Variants in OR9G4 observed in about 807,000 individuals in gnomAD.
OR9G4 encodes olfactory receptor family 9 subfamily G member 4.
Under a neutral mutation model 16.7 loss-of-function variants are expected in OR9G4, and 19 were observed. That is an observed-to-expected ratio of 1.14 (90% CI 0.79 to 1.67). The LOEUF (loss-of-function observed/expected upper bound fraction) is 1.67, where lower values mean the gene tolerates loss of function less well. Ranked by LOEUF, OR9G4 falls within the 40% of genes most tolerant of loss-of-function variation. The pLI, the probability that OR9G4 is intolerant of heterozygous loss-of-function variation, is 0.00. For missense variants in OR9G4, 428 were observed against 370.4 expected (o/e 1.16, Z -1.28); for synonymous variants, 182 against 146.2 (o/e 1.24, Z -1.76).
At position 56,743,647 on chromosome 11, in the gene OR9G4, T is replaced by G; in HGVS notation, c.120A>C (p.Ser40=). ...VFLMLYLITL[S]GNMTLVILIR... ...TTAAGATAACCAAGGTCATGTTTCCTGACAAGGTTATCAAATAGAGCATCA... is the reference window on the plus strand; with the variant it reads ...TTAAGATAACCAAGGTCATGTTTCCGGACAAGGTTATCAAATAGAGCATCA... The change falls in exon 2 of 2, where the codon TCA becomes TCC. Residue 40 remains serine (S), a synonymous_variant. Coordinates refer to ENST00000641668, the MANE Select transcript of OR9G4 (RefSeq NM_001005284.2). 1.9e-6 allele frequency: 3 copies of G among 1,614,054 alleles called. No individual in the cohort carries two copies. The highest frequency in any genetic ancestry group is 2.5e-6 in the Non-Finnish European group (3 of 1,179,936).
rs532251264 is a variant in OR9G4 at position 56,745,952 on chromosome 11, C to G, written c.-22-2164G>C. Among the ~76,000 whole-genome samples the G allele has an allele frequency of 6.1e-4, 93 of 152,050 alleles. 1 individual carries two copies. In the Middle Eastern group the frequency reaches 0.01, roughly 17 times the overall value. On this transcript the variant is annotated intron_variant, in intron 1 of 1. Transcript: ENST00000641668. ...TAAAATTTGCTGAAGACAACTGCAC[C>G]CTTCTTTTCATCTCAAGATTTGCAT...
In OR9G4 at chr11:56,743,223, GT is replaced by G; in HGVS notation, c.543del (p.Pro182HisfsTer4). 6.2e-7 allele frequency: 1 copy of G among 1,613,984 alleles called. No individual in the cohort carries two copies. Among genetic ancestry groups the G allele is most frequent in the Non-Finnish European group, 8.5e-7 (1 of 1,180,004 alleles). On this transcript the variant is annotated frameshift_variant, in exon 2 of 2. Coordinates refer to ENST00000641668, the MANE Select transcript of OR9G4 (RefSeq NM_001005284.2). LOFTEE classifies it high-confidence loss of function. ...KNIIDHFFCD[A>X]PPLVKMSCTN... ...GTACAGGACATTTTTACCAATGGTG[GT>G]GCATCACAGAAAAAGTGGTCAATGA...
intron 1 of OR9G4, chr11:56,744,038 A>C (rs990723766): frequency 1.5e-5 from 7 of 459,178 alleles, no homozygotes; most frequent in Non-Finnish European, 2.6e-5. Flanking sequence ...AAACATGAAA[A>C]AAAAATGAAA....
At position 56,743,496 on chromosome 11, in the gene OR9G4, G is replaced by A. The variant is rs201069570; in HGVS notation, c.271C>T (p.Arg91Cys). The change falls in exon 2 of 2, where the codon CGC becomes TGC. Residue 91 changes from arginine to cysteine, a missense_variant. Coordinates refer to ENST00000641668, the MANE Select transcript of OR9G4 (RefSeq NM_001005284.2). ...ILASCVSEDKRISLAGCGAQL... is the reference protein window; with the variant it reads ...ILASCVSEDKCISLAGCGAQL... ...GCCCCACATCCAGCCAAGGAAATGC[G>A]CTTATCTTCTGAGACACAACTGGCC... 47 of 1,614,090 alleles carry A rather than the reference G, an allele frequency of 2.9e-5. No individual in the cohort carries two copies. Among genetic ancestry groups the A allele is most frequent in the Admixed American group, 2.8e-4 (17 of 60,010 alleles).
Position 56,743,224 on chromosome 11 carries a change from T to C in OR9G4, c.543A>G (p.Ala181=), listed in dbSNP as rs2135058138. 6.2e-7 allele frequency: 1 copy of C among 1,614,114 alleles called. No individual in the cohort carries two copies. ...KNIIDHFFCD[A]PPLVKMSCTN... is the part of the protein sequence containing the mutation. ...TACAGGACATTTTTACCAATGGTGG[T>C]GCATCACAGAAAAAGTGGTCAATGA... Residue 181 remains alanine (A), a synonymous_variant, in exon 2 of 2, where the codon GCA becomes GCG. Transcript: ENST00000641668.
chr11:56,746,020 G>C (rs946883507), intron 1 of OR9G4, among the ~76,000 whole-genome samples: 1 of 151,922 alleles, frequency 6.6e-6, no homozygotes, highest in East Asian at 1.9e-4. Context: ...TGGGCCGGGC[G>C]CGGTGGCTCA....
rs1028035988 is a variant in OR9G4, at chr11:56,741,545, G to T, written c.*1283C>A. 4 of 152,320 alleles carry T rather than the reference G, an allele frequency of 2.6e-5. No homozygotes were observed. Among genetic ancestry groups the T allele is most frequent in the African/African-American group, 9.7e-5 (4 of 41,432 alleles). 9.4% of individuals were successfully genotyped at this position (152,320 alleles called of 1,614,324 possible). A position where few individuals can be genotyped will look rare whatever the true frequency, so the allele number is the denominator to read the frequency against. ...TACTCAAACAGCTTCCTTTGTGATAGAGGAATAAGAATGTTAAGATTATTT... is the reference window on the plus strand; with the variant it reads ...TACTCAAACAGCTTCCTTTGTGATATAGGAATAAGAATGTTAAGATTATTT... On this transcript the variant is annotated 3_prime_UTR_variant, in exon 2 of 2. Transcript: ENST00000641668.
In OR9G4 at chr11:56,742,770, C is replaced by A. The variant is rs577926014; in HGVS notation, c.*58G>T. On this transcript the variant is annotated 3_prime_UTR_variant, in exon 2 of 2. Transcript: ENST00000641668. Reference sequence around the variant, plus strand: ...TGAACTACAGAAATGCAAATGAACACATTTATAAGCCAATAATCTGGAAAA... The same window carrying A: ...TGAACTACAGAAATGCAAATGAACAAATTTATAAGCCAATAATCTGGAAAA... 3 of 1,481,004 alleles carry A rather than the reference C, an allele frequency of 2.0e-6. No individual in the cohort carries two copies. The highest frequency in any genetic ancestry group is 2.0e-5 in the Admixed American group (1 of 51,086). The allele number at this position is 1,481,004 out of a possible 1,614,324, so 91.7% of individuals were successfully genotyped here.
intron 1 of OR9G4, among the ~76,000 whole-genome samples, chr11:56,748,383 AT>A (rs1168508588): frequency 2.6e-5 from 4 of 152,274 alleles, no homozygotes; most frequent in African/African-American, 7.2e-5. Context: ...AGCAAGTCAC[AT>A]TTTTTTGTCC....
chr11:56,742,786 A>T lies in OR9G4; in HGVS notation c.*42T>A, dbSNP rs751454356. 3 of 1,559,346 alleles carry T rather than the reference A, an allele frequency of 1.9e-6. No homozygotes were observed. In the South Asian group the frequency reaches 3.6e-5, roughly 19 times the overall value. Reference sequence around the variant, plus strand: ...AAATGAACACATTTATAAGCCAATAATCTGGAAAATTCAATAACAGCATTT... The same window carrying T: ...AAATGAACACATTTATAAGCCAATATTCTGGAAAATTCAATAACAGCATTT... On this transcript the variant is annotated 3_prime_UTR_variant, in exon 2 of 2. Transcript: ENST00000641668.
chr11:56,746,218 G>C (rs1342544929), intron 1 of OR9G4, among the ~76,000 whole-genome samples: 2 of 144,910 alleles, frequency 1.4e-5, no homozygotes, highest in East Asian at 4.2e-4. Flanking sequence ...GCGTGAACCC[G>C]GGAGGCGGAG....
At chr11:56,746,356 G>T (rs1297448222) in intron 1 of OR9G4, among the ~76,000 whole-genome samples, 1 of 149,344 alleles carries the variant, frequency 6.7e-6, no homozygotes, top group South Asian at 2.1e-4. Context: ...TCTAAACACT[G>T]CATTTCTTAA....
Position 56,742,802 on chromosome 11 carries a change from A to T in OR9G4, c.*26T>A, listed in dbSNP as rs769397988. ...AAGCCAATAATCTGGAAAATTCAAT[A>T]ACAGCATTTGCAAAGAGAATAACCT... On this transcript the variant is annotated 3_prime_UTR_variant, in exon 2 of 2. Transcript: ENST00000641668. 1.3e-6 allele frequency: 2 copies of T among 1,585,226 alleles called. No individual in the cohort carries two copies.
chr11:56,745,860 A>C lies in OR9G4; in HGVS notation c.-22-2072T>G, dbSNP rs1424499456. Among the ~76,000 whole-genome samples, 3 of 152,180 alleles carry C rather than the reference A, an allele frequency of 2.0e-5. No individual in the cohort carries two copies. The East Asian group carries it at 5.8e-4, about 29-fold the overall frequency. On this transcript the variant is annotated intron_variant, in intron 1 of 1. Transcript: ENST00000641668. Reference sequence around the variant, plus strand: ...ATACAGTGTGGCAGAGCAGATTAACAGTCCTTACATACACACGTATCTTGG... The same window carrying C: ...ATACAGTGTGGCAGAGCAGATTAACCGTCCTTACATACACACGTATCTTGG...
intron 1 of OR9G4, among the ~76,000 whole-genome samples, chr11:56,745,977 T>G (rs1180238187): frequency 6.6e-6 from 1 of 151,882 alleles, no homozygotes; most frequent in Non-Finnish European, 1.5e-5. Context: ...AAGATTTGCA[T>G]ACACATTCTT....
chr11:56,743,585 A>T lies in OR9G4; in HGVS notation c.182T>A (p.Phe61Tyr). Residue 61 changes from phenylalanine to tyrosine, a missense_variant, in exon 2 of 2, where the codon TTT (phenylalanine) becomes TAT (tyrosine). Coordinates refer to ENST00000641668, the MANE Select transcript of OR9G4 (RefSeq NM_001005284.2). ...TDSHLHTPMY[F>Y]FIGNLSFLDF... ...CAAAAAAGACAGATTGCCAATGAAA[A>T]AGTACATAGGTGTATGCAAGTGGGA... The T allele has an allele frequency of 6.2e-7, 1 of 1,614,218 alleles. No individual in the cohort carries two copies. The highest frequency in any genetic ancestry group is 2.2e-5 in the East Asian group (1 of 44,884).
At chr11:56,747,022 C>A (rs1015771994) in intron 1 of OR9G4, among the ~76,000 whole-genome samples, 20 of 152,022 alleles carry the variant, frequency 1.3e-4, no homozygotes, top group Non-Finnish European at 2.1e-4. Context: ...TGTAAAGGCT[C>A]CCAATTTATT....
intron 1 of OR9G4, among the ~76,000 whole-genome samples, chr11:56,744,475 T>C (rs1395000422): frequency 1.3e-5 from 2 of 152,260 alleles, no homozygotes; most frequent in African/African-American, 4.8e-5. Context: ...CTATAAGTTA[T>C]TGAAAACTTC....
In OR9G4 at chr11:56,742,182, T is replaced by A. The variant is rs564280287; in HGVS notation, c.*646A>T. ...AGAGTACTGCGGAGTACTCACTCCT[T>A]GTAAGAGAGAAGACTGTTAGGATGA... On this transcript the variant is annotated 3_prime_UTR_variant, in exon 2 of 2. Transcript: ENST00000641668. The A allele has an allele frequency of 1.3e-5, 2 of 152,614 alleles. No homozygotes were observed. The highest frequency in any genetic ancestry group is 4.8e-5 in the African/African-American group (2 of 41,582). The allele number at this position is 152,614 out of a possible 1,614,324, so 9.5% of individuals were successfully genotyped here.
Sources: gnomAD v4.1 joint callset for allele counts (sites outside exome capture counted in the v4.1 genomes callset) on GRCh38, gnomAD v4.1.1 for gene constraint, MANE v1.5 for transcripts, NCBI Gene and HGNC (gene_info 2026-07-23, HGNC 2026-07-21) for gene names.